The following CEP162 variants were observed in gnomAD, a reference collection of about 807,000 sequenced individuals.
CEP162 encodes the protein centrosomal protein of 162 kDa.
Under a neutral mutation model 169.2 loss-of-function variants are expected in CEP162, and 141 were observed. That is an observed-to-expected ratio of 0.83 (90% confidence interval 0.73 to 0.96). CEP162 has a LOEUF of 0.96. Ranked by LOEUF, CEP162 falls within the 40% of genes least tolerant of loss-of-function variation. The probability of loss-of-function intolerance (pLI) is 0.00; values close to 1 mark genes in which losing one functional copy is unlikely to be tolerated. For missense variants in CEP162, 1,600 were observed against 1,587.2 expected (o/e 1.01, Z -0.14); for synonymous variants, 540 against 526.4 (o/e 1.03, Z -0.35).
At chr6:84,209,640 G>T (rs1022716450) in intron 6 of CEP162, among the ~76,000 whole-genome samples, 4 of 152,164 alleles carry the variant, frequency 2.6e-5, no homozygotes. Flanking sequence ...CTCACAAAGT[G>T]CTGGGATCAC....
rs1390925186 is a variant in CEP162, at chr6:84,215,330, T to C, written c.455A>G (p.Asn152Ser). Residue 152 changes from asparagine (N) to serine (S), a missense_variant, in exon 5 of 27, where the codon AAT (asparagine) becomes AGT (serine). Physicochemically the swap from Asn to Ser is conservative, Grantham distance 46. Transcript: ENST00000403245. ...AGAGTCATTAGAATCCAATTCCTTA[T>C]TTAATCTCGAATAATCAATGGAAGA... ...LTSSIDYSRLNKELDSNDSTH... is the reference protein window; with the variant it reads ...LTSSIDYSRLSKELDSNDSTH... 2 of 1,601,538 alleles carry C rather than the reference T, an allele frequency of 1.2e-6. No individual in the cohort carries two copies. Among genetic ancestry groups the C allele is most frequent in the Non-Finnish European group, 1.7e-6 (2 of 1,172,416 alleles).
intron 21 of CEP162, among the ~76,000 whole-genome samples, chr6:84,158,658 A>G (rs2099524186): frequency 6.6e-6 from 1 of 152,176 alleles, no homozygotes; most frequent in Admixed American, 6.6e-5. Flanking sequence ...CTCTGATACT[A>G]GTTAACTGAG....
intron 26 of CEP162, among the ~76,000 whole-genome samples, chr6:84,125,650 C>A (rs1007773598): frequency 6.6e-6 from 1 of 152,038 alleles, no homozygotes; most frequent in African/African-American, 2.4e-5. Context: ...AGTGATCTCT[C>A]GCCCCTCTTC....
intron 21 of CEP162, among the ~76,000 whole-genome samples, chr6:84,157,802 T>C (rs966141753): frequency 9.2e-5 from 14 of 152,210 alleles, no homozygotes; most frequent in African/African-American, 3.4e-4. Flanking sequence ...AAATTACTTA[T>C]ATGCACATGA....
intron 6 of CEP162, among the ~76,000 whole-genome samples, chr6:84,205,033 G>A (rs1235452585): frequency 2.0e-5 from 3 of 152,084 alleles, no homozygotes; most frequent in Non-Finnish European, 2.9e-5. Context: ...GGAAGAAGCT[G>A]AATCCCTGAA....
At chr6:84,165,707 A>G (rs9449819) in intron 18 of CEP162, among the ~76,000 whole-genome samples, 9,214 of 152,232 alleles carry the variant, frequency 0.061, 907 homozygotes, top group African/African-American at 0.21. Context: ...ACAGCAGTCA[A>G]CTTGGTATTT....
At chr6:84,175,578 CAA>C (rs1309749484) in intron 13 of CEP162, among the ~76,000 whole-genome samples, 1 of 152,128 alleles carries the variant, frequency 6.6e-6, no homozygotes, top group African/African-American at 2.4e-5. Context: ...CCAATTAACC[CAA>C]GACTCATGTC....
At chr6:84,155,987 G>A (rs1382318772) in intron 21 of CEP162, among the ~76,000 whole-genome samples, 1 of 151,958 alleles carries the variant, frequency 6.6e-6, no homozygotes, top group Admixed American at 6.6e-5. Flanking sequence ...ATTGTACTAC[G>A]AGGCTATAGC....
At chr6:84,175,129 CCTT>C in intron 14 of CEP162, 82 bp downstream of exon 14, 1 of 988,008 alleles carries the variant, frequency 1.0e-6, no homozygotes, top group Middle Eastern at 3.3e-4. Context: ...ACATTTCAGT[CCTT>C]ATTATATTTT....
At chr6:84,179,377 A>C (rs1488385806) in intron 13 of CEP162, among the ~76,000 whole-genome samples, 1 of 152,042 alleles carries the variant, frequency 6.6e-6, no homozygotes, top group Non-Finnish European at 1.5e-5. Flanking sequence ...ATGGTATCTC[A>C]CTGTGGTTTT....
intron 11 of CEP162, among the ~76,000 whole-genome samples, 195 bp from the exon 12 acceptor site, chr6:84,186,818 C>T (rs193132397): frequency 1.1e-4 from 16 of 152,098 alleles, no homozygotes; most frequent in African/African-American, 2.7e-4. Flanking sequence ...CTTTTAATTT[C>T]GGATAATAAT....
chr6:84,142,355 T>G (rs781042076), intron 25 of CEP162, among the ~76,000 whole-genome samples: 1 of 152,246 alleles, frequency 6.6e-6, no homozygotes, highest in African/African-American at 2.4e-5. Flanking sequence ...AACTTTAAAA[T>G]GAAAGCTATA....
intron 6 of CEP162, among the ~76,000 whole-genome samples, chr6:84,208,369 T>C (rs747554445): frequency 2.0e-4 from 30 of 152,204 alleles, no homozygotes; most frequent in Non-Finnish European, 3.7e-4. Context: ...ACTGATCATT[T>C]TGGAAACAAA....
Position 84,174,908 on chromosome 6 carries a change from A to G in CEP162, c.1844T>C (p.Met615Thr), listed in dbSNP as rs553712414. Reference sequence around the variant, plus strand: ...CTCTGCTTCCTGAACTCTTTTAAACATAAGTAATTTCTTCTCCTTGTTCTC... The same window carrying G: ...CTCTGCTTCCTGAACTCTTTTAAACGTAAGTAATTTCTTCTCCTTGTTCTC... Reference protein sequence around the residue: ...CGENKEKKLLMFKRVQEAEDK... With the variant: ...CGENKEKKLLTFKRVQEAEDK... The change falls in exon 15 of 27, where the codon ATG (methionine) becomes ACG (threonine). Residue 615 changes from methionine (M) to threonine (T), a missense_variant. Met to Thr is a moderately conservative substitution (Grantham distance 81). Coordinates refer to ENST00000403245, the MANE Select transcript of CEP162 (RefSeq NM_014895.4). The G allele has an allele frequency of 8.0e-5, 127 of 1,579,796 alleles. 2 individuals carry two copies. In the East Asian group the frequency reaches 1.3e-3, roughly 16 times the overall value.
intron 25 of CEP162, among the ~76,000 whole-genome samples, chr6:84,142,273 T>C (rs1049102059): frequency 6.6e-6 from 1 of 152,206 alleles, no homozygotes. Flanking sequence ...ATCTGCCAAA[T>C]ACACAATTTG....
At chr6:84,210,375 T>C (rs551492843) in intron 6 of CEP162, among the ~76,000 whole-genome samples, 15 of 152,302 alleles carry the variant, frequency 9.8e-5, no homozygotes, top group African/African-American at 2.2e-4. Context: ...GTTAAAGGGA[T>C]TGTACTTTCT....
chr6:84,195,889 C>G (rs563543477), intron 9 of CEP162, among the ~76,000 whole-genome samples: 26 of 152,222 alleles, frequency 1.7e-4, no homozygotes, highest in African/African-American at 6.0e-4. Context: ...GTCTTGTGTC[C>G]TTATAACTCT....
rs1258843381 is a variant in CEP162, at chr6:84,125,033, G to C, written c.*37C>G. 6.8e-7 allele frequency: 1 copy of C among 1,471,178 alleles called. No homozygotes were observed. The highest frequency in any genetic ancestry group is 9.5e-7 in the Non-Finnish European group (1 of 1,057,912). The allele number at this position is 1,471,178 out of a possible 1,614,324, so 91.1% of individuals were successfully genotyped here. A position where few individuals can be genotyped will look rare whatever the true frequency, so the allele number is the denominator to read the frequency against. On this transcript the variant is annotated 3_prime_UTR_variant, in exon 27 of 27. Transcript: ENST00000403245. ...GTGGCACAATCCCATCCATCTTCAG[G>C]CCTTTTAATAAGGTCATTATGAAAT...
At chr6:84,151,971 G>A (rs2099521292) in intron 23 of CEP162, among the ~76,000 whole-genome samples, 1 of 152,100 alleles carries the variant, frequency 6.6e-6, no homozygotes, top group Admixed American at 6.6e-5. Flanking sequence ...GACAGGATTG[G>A]ATTGGAACCT....
Sources: allele counts gnomAD v4.1 joint callset (sites outside exome capture counted in the v4.1 genomes callset), GRCh38; gene constraint gnomAD v4.1.1; transcripts MANE v1.5; gene names NCBI Gene and HGNC (gene_info 2026-07-23, HGNC 2026-07-21).